RPGRIP1L: variants seen among roughly 807,000 people sequenced by gnomAD.
RPGRIP1L encodes RPGRIP1 like.
Under a neutral mutation model 160.4 loss-of-function variants are expected in RPGRIP1L, and 131 were observed. The observed-to-expected ratio is 0.82, with a 90% CI of 0.71 to 0.94. The LOEUF (loss-of-function observed/expected upper bound fraction) is 0.94, where lower values mean the gene tolerates loss of function less well. Among genes scored for constraint, RPGRIP1L ranks in the 40% least tolerant of loss-of-function variants. RPGRIP1L has a pLI of 0.00. For missense variants in RPGRIP1L, 1,522 were observed against 1,535.8 expected, an observed-to-expected ratio of 0.99 and a Z score of 0.15; for synonymous variants, 510 against 515.8, an observed-to-expected ratio of 0.99 and a Z score of 0.15.
At chr16:53,641,256 T>C in intron 18 of RPGRIP1L, 29 bp downstream of exon 18, 1 of 1,604,868 alleles carries the variant, frequency 6.2e-7, no homozygotes, top group Non-Finnish European at 8.5e-7. Context: ...TTTATACTTG[T>C]AAAAAAATTA....
intron 2 of RPGRIP1L, among the ~76,000 whole-genome samples, chr16:53,698,695 C>T (rs1338027081): frequency 6.9e-6 from 1 of 144,692 alleles, no homozygotes; most frequent in Non-Finnish European, 1.5e-5. Flanking sequence ...GCCCGGCCAG[C>T]CGCACCGCCC....
intron 24 of RPGRIP1L, among the ~76,000 whole-genome samples, chr16:53,618,727 T>G (rs934425411): frequency 1.3e-5 from 2 of 151,950 alleles, no homozygotes; most frequent in African/African-American, 4.8e-5. Flanking sequence ...TATTTTTTTT[T>G]GTAGAGACGA....
At chr16:53,618,240 T>C (rs749739788) in intron 24 of RPGRIP1L, among the ~76,000 whole-genome samples, 3 of 152,214 alleles carry the variant, frequency 2.0e-5, no homozygotes, top group Non-Finnish European at 2.9e-5. Flanking sequence ...TAAGAACTTA[T>C]GCTTCACTCA....
intron 16 of RPGRIP1L, among the ~76,000 whole-genome samples, 173 bp from the exon 17 acceptor site, chr16:53,646,176 C>T (rs1966534189): frequency 1.3e-5 from 2 of 152,076 alleles, no homozygotes; most frequent in Admixed American, 1.3e-4. Flanking sequence ...TTCCCTAGAA[C>T]ATGTATGAAT....
At chr16:53,680,588 G>T (rs560952765) in intron 6 of RPGRIP1L, among the ~76,000 whole-genome samples, 8 of 152,210 alleles carry the variant, frequency 5.3e-5, no homozygotes, top group Admixed American at 2.0e-4. Flanking sequence ...AGCTGCAAAA[G>T]ACATTATTGG....
At chr16:53,675,948 G>A (rs1567868287) in intron 6 of RPGRIP1L, among the ~76,000 whole-genome samples, 1 of 151,970 alleles carries the variant, frequency 6.6e-6, no homozygotes, top group Non-Finnish European at 1.5e-5. Context: ...AAAATATTTT[G>A]TTAATTTTGA....
intron 22 of RPGRIP1L, among the ~76,000 whole-genome samples, chr16:53,631,732 C>T (rs908477371): frequency 6.6e-6 from 1 of 152,170 alleles, no homozygotes; most frequent in Non-Finnish European, 1.5e-5. Flanking sequence ...TCTGTCCCCC[C>T]ACACTCGCCA....
intron 10 of RPGRIP1L, among the ~76,000 whole-genome samples, chr16:53,662,491 C>T (rs1364695941): frequency 6.6e-6 from 1 of 152,086 alleles, no homozygotes; most frequent in East Asian, 1.9e-4. Context: ...GCCAGGGAAA[C>T]ATCTTCTGGC....
chr16:53,676,670 G>T (rs1969200282), intron 6 of RPGRIP1L, among the ~76,000 whole-genome samples: 1 of 151,824 alleles, frequency 6.6e-6, no homozygotes, highest in South Asian at 2.1e-4. Flanking sequence ...GACTTGCTCT[G>T]TCACCCAGGC....
rs35669682 is a variant in RPGRIP1L at position 53,601,585 on chromosome 16, G to C, written c.*491C>G. 5.4e-3 allele frequency: 872 copies of C among 160,906 alleles called. 8 individuals carry two copies. The highest frequency in any genetic ancestry group is 8.8e-3 in the Non-Finnish European group (635 of 72,214). 10.0% of individuals were successfully genotyped at this position (160,906 alleles called of 1,614,324 possible). On this transcript the variant is annotated 3_prime_UTR_variant, in exon 27 of 27. Transcript: ENST00000647211. Reference sequence around the variant, plus strand: ...GAGGAAGATTAACACATTAATCCAAGTAATTTTCATATATTGCTTCTAATA... The same window carrying C: ...GAGGAAGATTAACACATTAATCCAACTAATTTTCATATATTGCTTCTAATA...
At chr16:53,698,263 A>C (rs1262796598) in intron 2 of RPGRIP1L, among the ~76,000 whole-genome samples, 2 of 148,494 alleles carry the variant, frequency 1.3e-5, no homozygotes, top group Non-Finnish European at 3.0e-5. Context: ...CCCGTCCGGG[A>C]GGGAGGTGGG....
intron 24 of RPGRIP1L, among the ~76,000 whole-genome samples, chr16:53,613,953 C>T (rs1357631515): frequency 6.6e-6 from 1 of 152,204 alleles, no homozygotes; most frequent in Non-Finnish European, 1.5e-5. Context: ...ATGTTAGCCT[C>T]AAGAGTCTGC....
In RPGRIP1L at chr16:53,598,920, A is replaced by G. The variant is rs1193343894; in HGVS notation, c.*3156T>C. The stretch of plus-strand genomic sequence containing the variant: ...TTTATTCTCATATTTGTTCACAGAC[A>G]TGATTCACATTTTTCTATCTAGTGC... On this transcript the variant is annotated 3_prime_UTR_variant, in exon 27 of 27. Coordinates refer to ENST00000647211, the MANE Select transcript of RPGRIP1L (RefSeq NM_015272.5). 2 of 152,230 alleles carry G rather than the reference A, an allele frequency of 1.3e-5. No homozygotes were observed. Among genetic ancestry groups the G allele is most frequent in the African/African-American group, 4.8e-5 (2 of 41,472 alleles). 9.4% of individuals were successfully genotyped at this position (152,230 alleles called of 1,614,324 possible). A position where few individuals can be genotyped will look rare whatever the true frequency, so the allele number is the denominator to read the frequency against.
chr16:53,667,470 G>C (rs1369102074), intron 9 of RPGRIP1L, among the ~76,000 whole-genome samples: 1 of 152,224 alleles, frequency 6.6e-6, no homozygotes, highest in African/African-American at 2.4e-5. Context: ...GGGTACAGCG[G>C]CTCATGCCTG....
chr16:53,688,076 ATGTG>A, intron 4 of RPGRIP1L, 111 bp from the exon 5 acceptor site: 2 of 716,894 alleles, frequency 2.8e-6, no homozygotes, highest in Non-Finnish European at 4.8e-6. Context: ...ATTAAGAGGT[ATGTG>A]TTTTATAGTA....
intron 3 of RPGRIP1L, chr16:53,693,716 T>G (rs563384884): frequency 6.6e-6 from 1 of 152,130 alleles, no homozygotes; most frequent in Non-Finnish European, 1.5e-5. Context: ...ACTGGGAAAT[T>G]TGGCCAGGTA....
intron 22 of RPGRIP1L, chr16:53,628,299 CA>C: frequency 6.6e-6 from 1 of 152,244 alleles, no homozygotes; most frequent in South Asian, 2.1e-4. Context: ...AGCTCTAAGA[CA>C]AGCTCAAAAC....
At position 53,598,337 on chromosome 16, in the gene RPGRIP1L, T is replaced by C. The variant is rs1229198286; in HGVS notation, c.*3739A>G. 2 of 152,104 alleles carry C rather than the reference T, an allele frequency of 1.3e-5. No homozygotes were observed. The highest frequency in any genetic ancestry group is 1.3e-4 in the Admixed American group (2 of 15,250). 9.4% of individuals were successfully genotyped at this position (152,104 alleles called of 1,614,324 possible). On this transcript the variant is annotated 3_prime_UTR_variant, in exon 27 of 27. Transcript: ENST00000647211. ...ATGATCGAAGTCTAAGAGTACCAGA[T>C]TGCACTTCCAAAAGCCTGAAGGAAA...
intron 16 of RPGRIP1L, among the ~76,000 whole-genome samples, chr16:53,648,626 G>A (rs3926931): frequency 0.45 from 64,643 of 144,062 alleles, 16,913 homozygotes; most frequent in African/African-American, 0.72. Context: ...GCGCGCGCGC[G>A]CACACACACA....
Sources: gnomAD v4.1 joint callset for allele counts (sites outside exome capture counted in the v4.1 genomes callset) on GRCh38, gnomAD v4.1.1 for gene constraint, MANE v1.5 for transcripts, NCBI Gene and HGNC (gene_info 2026-07-23, HGNC 2026-07-21) for gene names.